MTUS1: variants seen among roughly 807,000 people sequenced by gnomAD.
The protein encoded by MTUS1 is microtubule associated scaffold protein 1, also known as microtubule-associated tumor suppressor 1.
MTUS1 carries 109 observed loss-of-function variants against 120.8 expected under a neutral mutation model. That is an observed-to-expected ratio of 0.90 (90% CI 0.77 to 1.06). The LOEUF is 1.06. Among genes scored for constraint, MTUS1 ranks in the 50% least tolerant of loss-of-function variants. The pLI, the probability that MTUS1 is intolerant of heterozygous loss-of-function variation, is 0.00. For synonymous variants in MTUS1, 737 were observed against 550.5 expected (o/e 1.34, Z -4.74); for missense variants, 2,210 against 1,486.3 (o/e 1.49, Z -8.01).
At chr8:17,791,427 G>A (rs904253276) in intron 1 of MTUS1, among the ~76,000 whole-genome samples, 11 of 152,194 alleles carry the variant, frequency 7.2e-5, no homozygotes, top group African/African-American at 2.7e-4. Context: ...TGTTACAGGT[G>A]AAAAATCAGA....
chr8:17,778,505 T>A (rs1403994273), intron 1 of MTUS1, among the ~76,000 whole-genome samples: 4 of 152,166 alleles, frequency 2.6e-5, no homozygotes, highest in Non-Finnish European at 4.4e-5. Context: ...ATATGTAAAT[T>A]ATACCTCAAT....
At chr8:17,760,642 C>T (rs1329947770) in intron 1 of MTUS1, among the ~76,000 whole-genome samples, 2 of 152,116 alleles carry the variant, frequency 1.3e-5, no homozygotes, top group Non-Finnish European at 2.9e-5. Context: ...ACCACTTGCT[C>T]GACATATATA....
intron 6 of MTUS1, among the ~76,000 whole-genome samples, chr8:17,701,909 A>T (rs1329809166): frequency 6.6e-6 from 1 of 152,134 alleles, no homozygotes; most frequent in Non-Finnish European, 1.5e-5. Context: ...TTGTTTTTAA[A>T]CTTAACATAA....
chr8:17,657,890 T>C (rs969269982), intron 8 of MTUS1, among the ~76,000 whole-genome samples: 4 of 150,618 alleles, frequency 2.7e-5, no homozygotes, highest in African/African-American at 4.9e-5. Flanking sequence ...TATATATGCA[T>C]ACATATGTAT....
intron 4 of MTUS1, among the ~76,000 whole-genome samples, chr8:17,721,461 A>T (rs1184959936): frequency 1.3e-5 from 2 of 152,226 alleles, no homozygotes; most frequent in East Asian, 3.8e-4. Context: ...ATAATAGGAT[A>T]ATTTCATGTG....
At chr8:17,724,417 A>G (rs2046072788) in intron 3 of MTUS1, among the ~76,000 whole-genome samples, 1 of 152,182 alleles carries the variant, frequency 6.6e-6, no homozygotes, top group African/African-American at 2.4e-5. Context: ...AGAAAAATGC[A>G]ATTTGATAAG....
rs189913205 is a variant in MTUS1 at position 17,755,563 on chromosome 8, T to C, written c.245A>G (p.His82Arg). ...LSLQGVEVFG[H>R]EKSSSDFISK... ...AATGAAATCACTAGAAGACTTTTCA[T>C]GACCAAATACTTCAACACCCTGAAG... The change falls in exon 2 of 15, where the codon CAT (histidine) becomes CGT (arginine). Residue 82 changes from histidine (H) to arginine (R), a missense_variant. Coordinates refer to ENST00000693296, the MANE Select transcript of MTUS1 (RefSeq NM_001363059.2). The C allele has an allele frequency of 6.2e-6, 10 of 1,614,224 alleles. No homozygotes were observed. In the East Asian group the frequency reaches 1.1e-4, roughly 18 times the overall value.
At chr8:17,650,944 G>C (rs575675900) in intron 12 of MTUS1, among the ~76,000 whole-genome samples, 1 of 152,122 alleles carries the variant, frequency 6.6e-6, no homozygotes, top group Admixed American at 6.5e-5. Context: ...CTTATCTTCC[G>C]GGGCATTGGT....
At chr8:17,799,559 A>C (rs73571425) in intron 1 of MTUS1, among the ~76,000 whole-genome samples, 3,875 of 152,278 alleles carry the variant, frequency 0.025, 159 homozygotes, top group African/African-American at 0.089. Flanking sequence ...CAGGGTTAAC[A>C]GAACAGGGCT....
chr8:17,733,870 C>T (rs528474447), intron 3 of MTUS1, among the ~76,000 whole-genome samples: 3 of 152,196 alleles, frequency 2.0e-5, no homozygotes, highest in Non-Finnish European at 4.4e-5. Context: ...ACATGTGCAT[C>T]CTCCTTACTT....
intron 1 of MTUS1, among the ~76,000 whole-genome samples, chr8:17,789,085 T>C (rs1404216632): frequency 6.6e-6 from 1 of 151,910 alleles, no homozygotes; most frequent in African/African-American, 2.4e-5. Context: ...CAGGCTGGAA[T>C]GCAATGGCAC....
intron 1 of MTUS1, among the ~76,000 whole-genome samples, chr8:17,775,243 A>G (rs1331531551): frequency 6.6e-6 from 1 of 152,146 alleles, no homozygotes; most frequent in Non-Finnish European, 1.5e-5. Context: ...TGAAAACGTA[A>G]ATTTCATGTT....
At position 17,653,409 on chromosome 8, in the gene MTUS1, A is replaced by G. The variant is rs1251389330; in HGVS notation, c.3288+16T>C. The stretch of plus-strand genomic sequence containing the variant: ...TTTTTTTTGTGGGGGATACTGGGAT[A>G]TTGACATTCACCCACCTCTAGCGAT... On this transcript the variant is annotated intron_variant, in intron 11 of 14. Coordinates refer to ENST00000693296, the MANE Select transcript of MTUS1 (RefSeq NM_001363059.2). 1.3e-6 allele frequency: 2 copies of G among 1,591,594 alleles called. No individual in the cohort carries two copies. Among genetic ancestry groups the G allele is most frequent in the Non-Finnish European group, 8.6e-7 (1 of 1,167,290 alleles).
intron 7 of MTUS1, among the ~76,000 whole-genome samples, chr8:17,677,730 T>C (rs546328101): frequency 5.9e-5 from 9 of 152,254 alleles, no homozygotes; most frequent in Middle Eastern, 3.4e-3. Context: ...ACAGTAACAG[T>C]AACAGGAAAA....
In MTUS1 at chr8:17,715,811, A is replaced by G. The variant is rs1185912821; in HGVS notation, c.2540T>C (p.Leu847Ser). The G allele has an allele frequency of 6.2e-7, 1 of 1,613,984 alleles. No individual in the cohort carries two copies. The highest frequency in any genetic ancestry group is 8.5e-7 in the Non-Finnish European group (1 of 1,180,000). ...CAAGTGAACATGAGCCCTGGATACC[A>G]AAGGCTTCAAATAAAAGGATCCTGA... ...GSSGSFYLKP[L>S]VSRAHVHLMK... is the part of the protein sequence containing the mutation. The change falls in exon 5 of 15, where the codon TTG becomes TCG. Residue 847 changes from leucine (L) to serine (S), a missense_variant. Leu to Ser is a moderately radical substitution (Grantham distance 145). Transcript: ENST00000693296.
At chr8:17,794,479 G>T (rs2052058867) in intron 1 of MTUS1, among the ~76,000 whole-genome samples, 1 of 152,098 alleles carries the variant, frequency 6.6e-6, no homozygotes, top group Non-Finnish European at 1.5e-5. Context: ...GGCCTAGATT[G>T]GGGATCTAAT....
At chr8:17,651,703 C>T (rs1262241676) in intron 12 of MTUS1, 4 of 152,214 alleles carry the variant, frequency 2.6e-5, no homozygotes, top group East Asian at 3.9e-4. Flanking sequence ...CAGTCAGACG[C>T]ACTCTTTTTC....
intron 1 of MTUS1, among the ~76,000 whole-genome samples, chr8:17,790,846 G>C (rs967306936): frequency 1.3e-5 from 2 of 152,056 alleles, no homozygotes; most frequent in African/African-American, 4.8e-5. Flanking sequence ...AATTAGCCGG[G>C]CATGATGGCA....
chr8:17,713,630 C>T (rs899087826), intron 5 of MTUS1, among the ~76,000 whole-genome samples: 1 of 152,186 alleles, frequency 6.6e-6, no homozygotes, highest in Non-Finnish European at 1.5e-5. Flanking sequence ...TCACGAAGGA[C>T]AGTCACTCCC....
Sources: allele counts gnomAD v4.1 joint callset (sites outside exome capture counted in the v4.1 genomes callset), GRCh38; gene constraint gnomAD v4.1.1; transcripts MANE v1.5; gene names NCBI Gene and HGNC (gene_info 2026-07-23, HGNC 2026-07-21).